Variants in HEPHL1 observed in about 807,000 individuals in gnomAD.
HEPHL1 encodes the protein hephaestin like 1.
In HEPHL1, 123 loss-of-function variants were observed where a neutral mutation model predicts 122.0. The observed-to-expected ratio is 1.01, with a 90% CI of 0.87 to 1.17. The LOEUF (loss-of-function observed/expected upper bound fraction) is 1.17, where lower values mean the gene tolerates loss of function less well. Ranked by LOEUF, HEPHL1 falls within the 50% of genes most tolerant of loss-of-function variation. HEPHL1 has a pLI of 0.00. For missense variants in HEPHL1, 1,452 were observed against 1,430.5 expected (o/e 1.01, Z -0.24); for synonymous variants, 527 against 508.9 (o/e 1.04, Z -0.48).
rs561421309 is a variant in HEPHL1 at position 94,095,520 on chromosome 11, A to G, written c.2434+1880A>G. 8.2e-3 allele frequency among the ~76,000 whole-genome samples: 1,254 copies of G among 152,194 alleles called. 13 individuals are homozygous for G. The highest frequency in any genetic ancestry group is 0.029 in the African/African-American group (1,191 of 41,514). ...TATGAACTTTAAAGTAGTTTTTTCC[A>G]ATTCTGTGAAGAAAGTCATTGGTAG... On this transcript the variant is annotated intron_variant, in intron 13 of 19. Transcript: ENST00000315765.
intron 12 of HEPHL1, among the ~76,000 whole-genome samples, chr11:94,089,283 A>C (rs528663439): frequency 6.6e-6 from 1 of 152,270 alleles, no homozygotes; most frequent in Admixed American, 6.5e-5. Context: ...TGGGAAGACA[A>C]AAAGGGCCAG....
At position 94,088,983 on chromosome 11, in the gene HEPHL1, G is replaced by A. The variant is rs1946241737; in HGVS notation, c.2294+15G>A. ...AGAGGGGAAAGGTACCACAGGCGCC[G>A]CCGCTAGGGCTCCTCGGTGGGATCG... On this transcript the variant is annotated intron_variant, in intron 12 of 19. Transcript: ENST00000315765. 6.2e-7 allele frequency: 1 copy of A among 1,610,834 alleles called. No individual in the cohort carries two copies. Among genetic ancestry groups the A allele is most frequent in the Non-Finnish European group, 8.5e-7 (1 of 1,177,096 alleles).
chr11:94,042,885 A>AAAAAAAAAAAAAC (rs1945798712), intron 1 of HEPHL1, among the ~76,000 whole-genome samples: 7 of 148,672 alleles, frequency 4.7e-5, no homozygotes, highest in Non-Finnish European at 1.5e-5. Flanking sequence ...TAAAAAAAAA[A>AAAAAAAAAAAAAC]AAAAAAAACT....
intron 6 of HEPHL1, 140 bp from the exon 7 acceptor site, chr11:94,072,885 A>C (rs1946087735): frequency 1.4e-6 from 1 of 703,012 alleles, no homozygotes; most frequent in Non-Finnish European, 2.4e-6. Flanking sequence ...ATTCCTGGGA[A>C]CTCTGTCAAG....
At position 94,073,296 on chromosome 11, in the gene HEPHL1, A is replaced by G. The variant is rs377516597; in HGVS notation, c.1373-12A>G. 21 of 1,609,688 alleles carry G rather than the reference A, an allele frequency of 1.3e-5. No homozygotes were observed. The highest frequency in any genetic ancestry group is 1.8e-5 in the Non-Finnish European group (21 of 1,177,976). Reference sequence around the variant, plus strand: ...CATTCTCTTCTCTCTCTTCTTCTGGATATTTTTTCAGGCCCAGTCATCAAG... The same window carrying G: ...CATTCTCTTCTCTCTCTTCTTCTGGGTATTTTTTCAGGCCCAGTCATCAAG... On this transcript the variant is annotated splice_polypyrimidine_tract_variant and intron_variant, in intron 7 of 19. Transcript: ENST00000315765.
Position 94,075,197 on chromosome 11 carries a change from G to A in HEPHL1, c.1528G>A (p.Val510Ile). 1 of 1,613,190 alleles carries A rather than the reference G, an allele frequency of 6.2e-7. No individual in the cohort carries two copies. The highest frequency in any genetic ancestry group is 8.5e-7 in the Non-Finnish European group (1 of 1,179,500). The change falls in exon 9 of 20, where the codon GTT becomes ATT. Residue 510 changes from valine to isoleucine, a missense_variant. Val to Ile is a conservative substitution (Grantham distance 29). Coordinates refer to ENST00000315765, the MANE Select transcript of HEPHL1 (RefSeq NM_001098672.2). ...LDGFVKPGAH[V>I]KPGETFTYKW... The stretch of plus-strand genomic sequence containing the variant: ...AGGATTTGTGAAACCAGGGGCGCAT[G>A]TTAAACCAGGTGAAACCTTCACATA...
intron 17 of HEPHL1, 145 bp downstream of exon 17, chr11:94,106,275 C>A: frequency 1.8e-6 from 1 of 550,054 alleles, no homozygotes. Context: ...TACCGTTTCC[C>A]TGGTGGATAT....
chr11:94,093,465 C>A, intron 12 of HEPHL1, 36 bp from the exon 13 acceptor site: 1 of 1,611,702 alleles, frequency 6.2e-7, no homozygotes, highest in Non-Finnish European at 8.5e-7. Context: ...TTTCTGCTTT[C>A]TGACAACTTT....
At chr11:94,061,884 G>A (rs1191293241) in intron 2 of HEPHL1, among the ~76,000 whole-genome samples, 2 of 151,968 alleles carry the variant, frequency 1.3e-5, no homozygotes, top group Non-Finnish European at 2.9e-5. Context: ...CTAGCAAAAA[G>A]TTCCTTTCTC....
rs1012742950 is a variant in HEPHL1 at position 94,055,952 on chromosome 11, C to T, written c.416-7556C>T. The T allele has an allele frequency of 8.2e-5, 108 of 1,314,772 alleles. No homozygotes were observed. In the African/African-American group the frequency reaches 1.5e-3, roughly 18 times the overall value. 81.4% of individuals were successfully genotyped at this position (1,314,772 alleles called of 1,614,324 possible). A position where few individuals can be genotyped will look rare whatever the true frequency, so the allele number is the denominator to read the frequency against. ...AGGCCAGGCCAAACTTGCCAGTGGA[C>T]TCTAACACTTTGGCAGCCATGTTTC... On this transcript the variant is annotated intron_variant, in intron 2 of 19. Transcript: ENST00000315765.
intron 2 of HEPHL1, among the ~76,000 whole-genome samples, chr11:94,062,146 G>C (rs1221626060): frequency 6.6e-6 from 1 of 152,124 alleles, no homozygotes; most frequent in East Asian, 1.9e-4. Flanking sequence ...TAAATAAGTA[G>C]AAAATAGTTT....
At chr11:94,067,866 A>T in intron 5 of HEPHL1, 116 bp downstream of exon 5, 1 of 802,942 alleles carries the variant, frequency 1.2e-6, no homozygotes, top group Non-Finnish European at 1.9e-6. Flanking sequence ...ACTATATTTA[A>T]TTAGGTAATA....
chr11:94,047,909 TG>T (rs760550421), intron 2 of HEPHL1, among the ~76,000 whole-genome samples: 18 of 152,162 alleles, frequency 1.2e-4, no homozygotes, highest in Non-Finnish European at 2.6e-4. Flanking sequence ...CATTTTCAAG[TG>T]TTCAATTCGG....
At chr11:94,022,376 A>G (rs1368028770) in intron 1 of HEPHL1, among the ~76,000 whole-genome samples, 1 of 152,180 alleles carries the variant, frequency 6.6e-6, no homozygotes, top group Non-Finnish European at 1.5e-5. Flanking sequence ...GGATATTTGA[A>G]TGCTTGCTTC....
chr11:94,032,157 C>T (rs994977748), intron 1 of HEPHL1, among the ~76,000 whole-genome samples: 11 of 152,208 alleles, frequency 7.2e-5, no homozygotes, highest in African/African-American at 2.4e-5. Context: ...ACTTCAATGT[C>T]ATTTCCAGTG....
intron 17 of HEPHL1, among the ~76,000 whole-genome samples, chr11:94,106,504 C>G (rs1267339293): frequency 6.6e-6 from 1 of 151,808 alleles, no homozygotes; most frequent in Non-Finnish European, 1.5e-5. Flanking sequence ...ACCATGTTAG[C>G]CAGGATGGTC....
At chr11:94,101,151 G>A (rs757714756) in intron 13 of HEPHL1, 44 bp from the exon 14 acceptor site, 2 of 1,594,058 alleles carry the variant, frequency 1.3e-6, no homozygotes, top group South Asian at 2.3e-5. Context: ...CACTAATGTT[G>A]AAAGAGCAAT....
At chr11:94,105,793 C>T (rs546244426) in intron 16 of HEPHL1, among the ~76,000 whole-genome samples, 198 bp from the exon 17 acceptor site, 4 of 152,130 alleles carry the variant, frequency 2.6e-5, no homozygotes, top group African/African-American at 7.2e-5. Flanking sequence ...TCTCTGTTCT[C>T]GCTCTCTTTG....
rs1444042180 is a variant in HEPHL1 at position 94,073,417 on chromosome 11, T to G, written c.1482T>G (p.Ser494=). ...LPHGVIYDKA[S]DAAPNLDGFV... is the part of the protein sequence containing the mutation. ...ATGGTGTGATCTATGACAAGGCATCTGATGCAGCCCCAAACCTAGATGGTA... is the reference window on the plus strand; with the variant it reads ...ATGGTGTGATCTATGACAAGGCATCGGATGCAGCCCCAAACCTAGATGGTA... Residue 494 remains serine, a synonymous_variant, in exon 8 of 20, where the codon TCT becomes TCG. Coordinates refer to ENST00000315765, the MANE Select transcript of HEPHL1 (RefSeq NM_001098672.2). The G allele has an allele frequency of 6.4e-7, 1 of 1,556,064 alleles. No homozygotes were observed. Among genetic ancestry groups the G allele is most frequent in the South Asian group, 1.2e-5 (1 of 84,384 alleles).
Sources: allele counts gnomAD v4.1 joint callset (sites outside exome capture counted in the v4.1 genomes callset), GRCh38; gene constraint gnomAD v4.1.1; transcripts MANE v1.5; gene names NCBI Gene and HGNC (gene_info 2026-07-23, HGNC 2026-07-21).